Variants in DIAPH2 observed in about 807,000 individuals in gnomAD.
The protein encoded by DIAPH2 is protein diaphanous homolog 2.
In DIAPH2, 35 loss-of-function variants were observed where a neutral mutation model predicts 92.7. That is an observed-to-expected ratio of 0.38 (90% CI 0.29 to 0.50). The LOEUF (loss-of-function observed/expected upper bound fraction) is 0.50, where lower values mean the gene tolerates loss of function less well. Ranked by LOEUF, DIAPH2 falls within the 20% of genes least tolerant of loss-of-function variation. DIAPH2 has a pLI of 0.94. For synonymous variants in DIAPH2, 301 were observed against 280.4 expected (o/e 1.07, Z -0.73); for missense variants, 701 against 819.5 (o/e 0.86, Z 1.77).
chrX:97,110,653 C>A (rs1483692620), intron 20 of DIAPH2, among the ~76,000 whole-genome samples: 4 of 111,528 alleles, frequency 3.6e-5, no homozygotes. Flanking sequence ...GATTTGGGGT[C>A]TTGAATGGGA....
chrX:97,026,915 A>G (rs908820927), intron 17 of DIAPH2, among the ~76,000 whole-genome samples: 3 of 112,146 alleles, frequency 2.7e-5, no homozygotes, highest in African/African-American at 9.7e-5. Context: ...TTCTAGCATT[A>G]TTTTAAAAGA....
intron 17 of DIAPH2, among the ~76,000 whole-genome samples, chrX:97,025,682 A>C (rs758495243): frequency 8.2e-5 from 9 of 110,341 alleles, no homozygotes; most frequent in Admixed American, 1.9e-4. Flanking sequence ...AACAAACAAA[A>C]AAACAAAAAA....
At chrX:97,186,889 C>A (rs2067609082) in intron 22 of DIAPH2, among the ~76,000 whole-genome samples, 1 of 111,944 alleles carries the variant, frequency 8.9e-6, no homozygotes, top group Non-Finnish European at 1.9e-5. Context: ...TCATTTGATA[C>A]ACATCATCCA....
intron 23 of DIAPH2, among the ~76,000 whole-genome samples, chrX:97,315,666 A>T (rs1361684009): frequency 7.9e-5 from 8 of 101,019 alleles, no homozygotes; most frequent in Non-Finnish European, 1.0e-4. Flanking sequence ...TCTTTTAACC[A>T]TTTTTTTTTT....
At chrX:97,522,511 C>G (rs2070997931) in intron 26 of DIAPH2, among the ~76,000 whole-genome samples, 1 of 112,164 alleles carries the variant, frequency 8.9e-6, no homozygotes, top group African/African-American at 3.2e-5. Context: ...TGCATTCAGT[C>G]AAGAAATACT....
chrX:97,389,292 C>T (rs748083202), intron 25 of DIAPH2, among the ~76,000 whole-genome samples: 1 of 108,906 alleles, frequency 9.2e-6, no homozygotes, highest in Non-Finnish European at 1.9e-5. Context: ...GATGGTGAAA[C>T]CCCGTCTCTA....
intron 26 of DIAPH2, among the ~76,000 whole-genome samples, chrX:97,587,926 G>A (rs749350714): frequency 8.9e-6 from 1 of 111,936 alleles, no homozygotes; most frequent in South Asian, 3.8e-4. Flanking sequence ...GAAAAACATA[G>A]CTCTTAAGTG....
intron 23 of DIAPH2, among the ~76,000 whole-genome samples, chrX:97,271,813 GCACACACA>G (rs780653047): frequency 1.0e-3 from 92 of 91,548 alleles, no homozygotes; most frequent in African/African-American, 2.4e-3. Flanking sequence ...ATATATATAT[GCACACACA>G]CACACACACA....
intron 15 of DIAPH2, among the ~76,000 whole-genome samples, 156 bp downstream of exon 15, chrX:96,949,195 C>A (rs1162718464): frequency 9.0e-6 from 1 of 110,666 alleles, no homozygotes; most frequent in East Asian, 2.8e-4. Context: ...TATTCCAGGG[C>A]AATAAATCAT....
At chrX:96,909,336 G>A (rs1321189165) in intron 5 of DIAPH2, among the ~76,000 whole-genome samples, 3 of 110,203 alleles carry the variant, frequency 2.7e-5, no homozygotes, top group Non-Finnish European at 3.8e-5. Context: ...GACCACTTTT[G>A]TATTGGCTGA....
intron 4 of DIAPH2, among the ~76,000 whole-genome samples, chrX:96,760,705 T>C (rs1026495891): frequency 3.6e-5 from 4 of 111,223 alleles, no homozygotes; most frequent in African/African-American, 1.3e-4. Context: ...AAGAGTCTTT[T>C]GTCGTATAAT....
rs1394796593 is a variant in DIAPH2 at position 97,601,137 on chromosome X, A to G, written c.*1820A>G. ...GTTCTAATTTATGTAAATACCTAGT[A>G]TGTGTATTTTTGACTTTACAAAGTC... On this transcript the variant is annotated 3_prime_UTR_variant, in exon 27 of 27. Coordinates refer to ENST00000324765, the MANE Select transcript of DIAPH2 (RefSeq NM_006729.5). 3 of 112,057 alleles carry G rather than the reference A, an allele frequency of 2.7e-5. No individual in the cohort carries two copies. Among genetic ancestry groups the G allele is most frequent in the East Asian group, 5.6e-4 (2 of 3,584 alleles). The allele number at this position is 112,057 out of a possible 1,213,427, so 9.2% of individuals were successfully genotyped here.
At chrX:96,732,880 G>C (rs1483249304) in intron 1 of DIAPH2, among the ~76,000 whole-genome samples, 4 of 111,964 alleles carry the variant, frequency 3.6e-5, no homozygotes, top group Non-Finnish European at 5.6e-5. Flanking sequence ...GGACATCATG[G>C]GAGTATGCAT....
intron 17 of DIAPH2, among the ~76,000 whole-genome samples, chrX:97,057,724 A>G (rs956366104): frequency 1.8e-5 from 2 of 112,185 alleles, no homozygotes; most frequent in African/African-American, 3.2e-5. Context: ...AACTTTTTGT[A>G]TGCCAATAAA....
intron 22 of DIAPH2, among the ~76,000 whole-genome samples, chrX:97,229,869 TATA>T (rs1391046367): frequency 3.8e-5 from 4 of 105,021 alleles, no homozygotes; most frequent in Admixed American, 1.1e-4. Flanking sequence ...ATATATTATA[TATA>T]ATAAGATGTA....
At chrX:96,967,725 A>AT (rs534157926) in intron 17 of DIAPH2, among the ~76,000 whole-genome samples, 29 of 109,473 alleles carry the variant, frequency 2.6e-4, no homozygotes, top group South Asian at 3.9e-4. Flanking sequence ...CCAGGATATG[A>AT]TTTTTTTTTA....
intron 4 of DIAPH2, among the ~76,000 whole-genome samples, chrX:96,869,360 G>A (rs974144482): frequency 6.3e-5 from 7 of 110,299 alleles, no homozygotes; most frequent in African/African-American, 1.7e-4. Context: ...TCAGGAGTTC[G>A]AGACCAGCCT....
Position 97,348,233 on chromosome X carries a change from A to G in DIAPH2, c.2962A>G (p.Ile988Val), listed in dbSNP as rs1176175886. 8 of 1,208,438 alleles carry G rather than the reference A, an allele frequency of 6.6e-6. No homozygotes were observed. Among genetic ancestry groups the G allele is most frequent in the Middle Eastern group, 2.3e-4 (1 of 4,366 alleles). The change falls in exon 24 of 27, where the codon ATA becomes GTA. Residue 988 changes from isoleucine (I) to valine (V), a missense_variant. Around this residue, in one of 3 missense-constraint regions of DIAPH2, gnomAD observed 536 missense variants for 599.3 expected, o/e 0.89. Transcript: ENST00000324765. The part of the protein sequence containing the change: ...YFIFDSKTVS[I>V]EEFFGDLNNF... Reference sequence around the variant, plus strand: ...CATTTTTGACTCAAAGACAGTGAGCATAGAAGAGTTCTTTGGTGATCTCAA... The same window carrying G: ...CATTTTTGACTCAAAGACAGTGAGCGTAGAAGAGTTCTTTGGTGATCTCAA...
intron 17 of DIAPH2, among the ~76,000 whole-genome samples, chrX:97,018,196 G>A (rs933194063): frequency 6.2e-5 from 7 of 112,101 alleles, no homozygotes; most frequent in Admixed American, 2.8e-4. Context: ...TAAATAAAGT[G>A]CAGCTGTCTT....
Sources: allele counts gnomAD v4.1 joint callset (sites outside exome capture counted in the v4.1 genomes callset), GRCh38; gene constraint gnomAD v4.1.1; regional missense constraint gnomAD v4.1.1; transcripts MANE v1.5; gene names NCBI Gene and HGNC (gene_info 2026-07-23, HGNC 2026-07-21).